RARS1: variants seen among roughly 807,000 people sequenced by gnomAD.
The protein encoded by RARS1 is arginine--tRNA ligase, cytoplasmic.
RARS1 carries 75 observed loss-of-function variants against 78.7 expected under a neutral mutation model. The observed-to-expected ratio is 0.95, with a 90% CI of 0.79 to 1.15. The LOEUF (loss-of-function observed/expected upper bound fraction) is 1.15, where lower values mean the gene tolerates loss of function less well. Among genes scored for constraint, RARS1 ranks in the 50% most tolerant of loss-of-function variants. RARS1 has a pLI of 0.00. For missense variants in RARS1, 787 were observed against 787.5 expected (o/e 1.00, Z 0.01); for synonymous variants, 273 against 268.2 (o/e 1.02, Z -0.18).
At chr5:168,492,547 T>G (rs1758106414) in intron 2 of RARS1, 112 bp from the exon 3 acceptor site, 1 of 931,146 alleles carries the variant, frequency 1.1e-6, no homozygotes, top group Non-Finnish European at 1.6e-6. Context: ...AAGTACGTTT[T>G]CCCTTTTGGT....
At chr5:168,517,313 T>C (rs1018793191) in intron 13 of RARS1, among the ~76,000 whole-genome samples, 2 of 152,156 alleles carry the variant, frequency 1.3e-5, no homozygotes, top group African/African-American at 2.4e-5. Flanking sequence ...CAGCTAAATT[T>C]TGTATTTTTA....
At chr5:168,496,051 ACTGTG>A (rs1452848018) in intron 6 of RARS1, among the ~76,000 whole-genome samples, 1 of 152,154 alleles carries the variant, frequency 6.6e-6, no homozygotes, top group Non-Finnish European at 1.5e-5. Flanking sequence ...CTGGTTACTT[ACTGTG>A]AAGAAGCTAG....
chr5:168,502,687 T>G (rs1478600106), intron 9 of RARS1, among the ~76,000 whole-genome samples: 1 of 150,192 alleles, frequency 6.7e-6, no homozygotes, highest in Non-Finnish European at 1.5e-5. Context: ...TTCTCCTGCC[T>G]CAGCCTCCTA....
chr5:168,509,887 C>T (rs965600115), intron 11 of RARS1, among the ~76,000 whole-genome samples: 4 of 152,126 alleles, frequency 2.6e-5, no homozygotes, highest in African/African-American at 9.7e-5. Flanking sequence ...AGAAGTATTA[C>T]TTAAGCCCAG....
chr5:168,487,220 C>T (rs1757983538), intron 1 of RARS1, among the ~76,000 whole-genome samples: 1 of 103,898 alleles, frequency 9.6e-6, no homozygotes, highest in Non-Finnish European at 2.0e-5. Context: ...AAAACTTAAC[C>T]GGCTGTGTTG....
chr5:168,492,541 A>T (rs375085993), intron 2 of RARS1, 118 bp from the exon 3 acceptor site: 1 of 855,598 alleles, frequency 1.2e-6, no homozygotes, highest in East Asian at 2.6e-5. Flanking sequence ...CACCATAAGT[A>T]CGTTTTCCCT....
chr5:168,516,106 T>C (rs1234678911), intron 12 of RARS1, among the ~76,000 whole-genome samples: 2 of 152,160 alleles, frequency 1.3e-5, no homozygotes, highest in South Asian at 2.1e-4. Flanking sequence ...TCCCAATGTT[T>C]TCATTCTTCT....
intron 9 of RARS1, among the ~76,000 whole-genome samples, chr5:168,502,677 T>C (rs1582434836): frequency 1.3e-5 from 2 of 150,810 alleles, no homozygotes; most frequent in East Asian, 2.0e-4. Context: ...GTTCAAGCAG[T>C]TCTCCTGCCT....
chr5:168,490,499 C>A (rs590784), intron 2 of RARS1, among the ~76,000 whole-genome samples: 91,029 of 151,956 alleles, frequency 0.6, 27,687 homozygotes, highest in East Asian at 0.78. Flanking sequence ...TCTTATATAG[C>A]TAGGAGAATG....
intron 10 of RARS1, among the ~76,000 whole-genome samples, 187 bp downstream of exon 10, chr5:168,506,386 C>A (rs1198637968): frequency 6.6e-6 from 1 of 152,148 alleles, no homozygotes; most frequent in African/African-American, 2.4e-5. Context: ...CCTAGTTTTC[C>A]AGCTTGCCTC....
At chr5:168,495,053 A>G in intron 5 of RARS1, 1 of 459,710 alleles carries the variant, frequency 2.2e-6, no homozygotes, top group Non-Finnish European at 3.4e-6. Flanking sequence ...TAGCCAATTG[A>G]TACACAGATA....
chr5:168,515,438 AATTACAGGCATGAGC>A (rs1758645800), intron 12 of RARS1, among the ~76,000 whole-genome samples: 1 of 152,130 alleles, frequency 6.6e-6, no homozygotes, highest in African/African-American at 2.4e-5. Flanking sequence ...GGCATGAGCC[AATTACAGGCATGAGC>A]ATTACAGGCA....
chr5:168,506,603 G>A (rs1467677083), intron 10 of RARS1, 119 bp from the exon 11 acceptor site: 1 of 704,958 alleles, frequency 1.4e-6, no homozygotes, highest in Non-Finnish European at 2.4e-6. Flanking sequence ...AATAGCACTT[G>A]TCTCACAAGA....
intron 9 of RARS1, among the ~76,000 whole-genome samples, chr5:168,502,541 G>T (rs531817074): frequency 1.4e-5 from 2 of 143,416 alleles, no homozygotes; most frequent in Admixed American, 7.0e-5. Context: ...ATTAAATAGA[G>T]TTCAAATTTC....
chr5:168,514,819 G>A (rs1349671577), intron 12 of RARS1, among the ~76,000 whole-genome samples: 1 of 152,116 alleles, frequency 6.6e-6, no homozygotes, highest in African/African-American at 2.4e-5. Flanking sequence ...TCTTTAATCT[G>A]GGCAGTTAGT....
Position 168,495,354 on chromosome 5 carries a change from A to G in RARS1, c.619A>G (p.Met207Val). ...TTCCTCCCCTAATATAGCTAAAGAG[A>G]TGCATGTAGGCCACCTGAGGTCAAC... is the stretch of plus-strand genomic sequence containing the variant. ...DFSSPNIAKE[M>V]HVGHLRSTII... The change falls in exon 6 of 15, where the codon ATG becomes GTG. Residue 207 changes from methionine (M) to valine (V), a missense_variant. Transcript: ENST00000231572. The G allele has an allele frequency of 6.2e-7, 1 of 1,614,042 alleles. No individual in the cohort carries two copies. The highest frequency in any genetic ancestry group is 8.5e-7 in the Non-Finnish European group (1 of 1,179,952).
chr5:168,509,013 C>T (rs920168622), intron 11 of RARS1, among the ~76,000 whole-genome samples: 41 of 151,762 alleles, frequency 2.7e-4, no homozygotes, highest in Admixed American at 2.1e-3. Context: ...TTAAAGCTCT[C>T]GGTATTCAGA....
Position 168,516,768 on chromosome 5 carries a change from T to C in RARS1, c.1453-10T>C. 1 of 1,613,690 alleles carries C rather than the reference T, an allele frequency of 6.2e-7. No individual in the cohort carries two copies. Among genetic ancestry groups the C allele is most frequent in the Non-Finnish European group, 8.5e-7 (1 of 1,179,662 alleles). On this transcript the variant is annotated splice_polypyrimidine_tract_variant and intron_variant, in intron 12 of 14. Coordinates refer to ENST00000231572, the MANE Select transcript of RARS1 (RefSeq NM_002887.4). ...GTAAGCTATGAAATACTGTTTTGTT[T>C]TTCCCAAAGGTCTTAACTGCAGAGG...
In RARS1 at chr5:168,517,993, T is replaced by G; in HGVS notation, c.1804T>G (p.Tyr602Asp). The G allele has an allele frequency of 6.2e-7, 1 of 1,610,182 alleles. No individual in the cohort carries two copies. Among genetic ancestry groups the G allele is most frequent in the Non-Finnish European group, 8.5e-7 (1 of 1,178,240 alleles). Residue 602 changes from tyrosine to aspartate, a missense_variant, in exon 14 of 15, where the codon TAT becomes GAT. Transcript: ENST00000231572. The part of the protein sequence containing the change: ...LFLHTLCDYI[Y>D]ELATAFTEFY... Reference sequence around the variant, plus strand: ...TCTCCACACTCTCTGTGATTATATATATGAGCTGGCAACTGCTTTCACAGA... The same window carrying G: ...TCTCCACACTCTCTGTGATTATATAGATGAGCTGGCAACTGCTTTCACAGA...
Sources: gnomAD v4.1 joint callset for allele counts (sites outside exome capture counted in the v4.1 genomes callset) on GRCh38, gnomAD v4.1.1 for gene constraint, MANE v1.5 for transcripts, NCBI Gene and HGNC (gene_info 2026-07-23, HGNC 2026-07-21) for gene names.